Variants in GAS2 observed in about 807,000 individuals in gnomAD.
GAS2 encodes the protein growth arrest specific 2, also known as growth arrest-specific protein 2.
GAS2 carries 20 observed loss-of-function variants against 37.5 expected under a neutral mutation model. The ratio of observed to expected loss-of-function variants is 0.53; its 90% CI spans 0.37 to 0.77. The LOEUF is 0.77. GAS2 is among the 30% of genes least tolerant of loss of function. The pLI, the probability that GAS2 is intolerant of heterozygous loss-of-function variation, is 0.00. For synonymous variants in GAS2, 144 were observed against 132.2 expected, an observed-to-expected ratio of 1.09 and a Z score of -0.61; for missense variants, 336 against 373.4, an observed-to-expected ratio of 0.90 and a Z score of 0.82.
chr11:22,675,718 G>C (rs116130463), intron 2 of GAS2, among the ~76,000 whole-genome samples: 5,071 of 152,064 alleles, frequency 0.033, 84 homozygotes, highest in Middle Eastern at 0.082. Flanking sequence ...GTTTTTTATA[G>C]AGAATAAATT....
At chr11:22,779,644 G>A (rs1855449575) in intron 7 of GAS2, among the ~76,000 whole-genome samples, 1 of 151,990 alleles carries the variant, frequency 6.6e-6, no homozygotes, top group Non-Finnish European at 1.5e-5. Context: ...GTTGCTGTAA[G>A]CCAAGATCGT....
intron 4 of GAS2, among the ~76,000 whole-genome samples, chr11:22,727,379 A>G (rs1400091583): frequency 6.6e-6 from 1 of 152,084 alleles, no homozygotes; most frequent in Non-Finnish European, 1.5e-5. Flanking sequence ...GAGAACAAGT[A>G]TACAAATTAC....
intron 7 of GAS2, among the ~76,000 whole-genome samples, chr11:22,799,021 G>A (rs933757521): frequency 2.6e-5 from 4 of 152,012 alleles, no homozygotes; most frequent in African/African-American, 7.2e-5. Context: ...ATTTTCTCTC[G>A]AGTTATGATG....
rs527848490 is a variant in GAS2 at position 22,649,384 on chromosome 11, T to G, written c.-21+23571T>G. Reference sequence around the variant, plus strand: ...GATATTGGTCTAAAATTCTCTTTTTTGGTTGTGTCTCTGCCCGGCTTTGGT... The same window carrying G: ...GATATTGGTCTAAAATTCTCTTTTTGGGTTGTGTCTCTGCCCGGCTTTGGT... On this transcript the variant is annotated intron_variant, in intron 1 of 5. Coordinates refer to the GAS2 transcript ENST00000528582. Among the ~76,000 whole-genome samples the G allele has an allele frequency of 4.7e-3, 718 of 152,094 alleles. 5 individuals carry two copies. The highest frequency in any genetic ancestry group is 0.016 in the African/African-American group (681 of 41,482).
intron 7 of GAS2, among the ~76,000 whole-genome samples, chr11:22,793,414 T>TG (rs761186161): frequency 9.2e-5 from 14 of 152,222 alleles, no homozygotes; most frequent in Non-Finnish European, 1.6e-4. Context: ...GAAAACTTTA[T>TG]GAACATTAAA....
intron 7 of GAS2, among the ~76,000 whole-genome samples, chr11:22,765,513 C>T (rs1039863309): frequency 1.1e-4 from 17 of 152,164 alleles, no homozygotes; most frequent in African/African-American, 4.1e-4. Flanking sequence ...GGGGCAGTGG[C>T]TCATGCCTGT....
At chr11:22,644,902 G>A (rs536013517) in intron 1 of GAS2, among the ~76,000 whole-genome samples, 1 of 152,280 alleles carries the variant, frequency 6.6e-6, no homozygotes, top group East Asian at 1.9e-4. Context: ...GGGATTACAG[G>A]CATGAGCCAC....
chr11:22,746,836 C>A (rs1328777368), intron 5 of GAS2, among the ~76,000 whole-genome samples: 1 of 152,002 alleles, frequency 6.6e-6, no homozygotes, highest in East Asian at 1.9e-4. Flanking sequence ...TGCACATGTA[C>A]CCCTGAATCT....
intron 7 of GAS2, among the ~76,000 whole-genome samples, chr11:22,756,647 C>T (rs1360456845): frequency 1.3e-5 from 2 of 152,058 alleles, no homozygotes; most frequent in Non-Finnish European, 2.9e-5. Context: ...GGCCCTGCAA[C>T]ATGTAGTTGC....
chr11:22,680,063 G>A (rs999209831), intron 2 of GAS2, among the ~76,000 whole-genome samples: 1 of 152,006 alleles, frequency 6.6e-6, no homozygotes, highest in Non-Finnish European at 1.5e-5. Context: ...ATTTATTAGG[G>A]TTGCTGCTGT....
At chr11:22,807,385 G>C (rs12274003) in intron 7 of GAS2, among the ~76,000 whole-genome samples, 1 of 152,168 alleles carries the variant, frequency 6.6e-6, no homozygotes, top group Admixed American at 6.5e-5. Flanking sequence ...AGTGTCTCAC[G>C]TAAGATGTTT....
intron 2 of GAS2, among the ~76,000 whole-genome samples, chr11:22,677,300 G>A (rs973882051): frequency 8.5e-5 from 13 of 152,100 alleles, no homozygotes; most frequent in African/African-American, 3.1e-4. Flanking sequence ...GAGCCTTTGC[G>A]AGGAGGGAAG....
chr11:22,764,549 A>C (rs1854576950), intron 7 of GAS2, among the ~76,000 whole-genome samples: 1 of 144,120 alleles, frequency 6.9e-6, no homozygotes. Flanking sequence ...ATGACAGAGC[A>C]AGACTCCGTC....
chr11:22,806,474 G>A (rs1856893517), intron 7 of GAS2, among the ~76,000 whole-genome samples: 1 of 152,140 alleles, frequency 6.6e-6, no homozygotes, highest in Non-Finnish European at 1.5e-5. Context: ...CCTAGTGGTG[G>A]AATTGCTGGA....
At chr11:22,652,515 C>A (rs1339796580) in intron 1 of GAS2, among the ~76,000 whole-genome samples, 2 of 152,208 alleles carry the variant, frequency 1.3e-5, no homozygotes, top group Admixed American at 6.5e-5. Flanking sequence ...CGCCCCTTCC[C>A]CAGCCTGGCT....
At chr11:22,744,221 C>A (rs977046464) in intron 5 of GAS2, among the ~76,000 whole-genome samples, 2 of 151,976 alleles carry the variant, frequency 1.3e-5, no homozygotes, top group Non-Finnish European at 2.9e-5. Flanking sequence ...ACCAGACATA[C>A]AAAGAAGAGC....
Position 22,795,288 on chromosome 11 carries a change from AC to A in GAS2, c.724-16507del, listed in dbSNP as rs1225044845. ...GTATTTTTATATGCTAAATATGACA[AC>A]CCTAGCTGGGAGGGATTAGACTGTA... On this transcript the variant is annotated intron_variant, in intron 7 of 7. Transcript: ENST00000454584. 2.0e-5 allele frequency among the ~76,000 whole-genome samples: 3 copies of A among 152,244 alleles called. No individual in the cohort carries two copies. In the East Asian group the frequency reaches 5.8e-4, roughly 29 times the overall value.
intron 3 of GAS2, among the ~76,000 whole-genome samples, chr11:22,688,843 T>A (rs1258293120): frequency 7.9e-5 from 12 of 152,172 alleles, no homozygotes. Flanking sequence ...TGCACCTGTA[T>A]GTTCATAGCA....
At chr11:22,739,104 C>T (rs1237369999) in intron 5 of GAS2, among the ~76,000 whole-genome samples, 3 of 152,112 alleles carry the variant, frequency 2.0e-5, no homozygotes, top group East Asian at 1.9e-4. Context: ...CTTAGGACTT[C>T]GTTCTCTATC....
Sources: gnomAD v4.1 joint callset for allele counts (sites outside exome capture counted in the v4.1 genomes callset) on GRCh38, gnomAD v4.1.1 for gene constraint, MANE v1.5 for transcripts, NCBI Gene and HGNC (gene_info 2026-07-23, HGNC 2026-07-21) for gene names.